The following ARHGAP15 variants were observed in gnomAD, a reference collection of about 807,000 sequenced individuals.
The protein encoded by ARHGAP15 is Rho GTPase activating protein 15.
In ARHGAP15, 51 loss-of-function variants were observed where a neutral mutation model predicts 63.7. That is an observed-to-expected ratio of 0.80 (90% CI 0.64 to 1.01). ARHGAP15 has a LOEUF of 1.01. Ranked by LOEUF, ARHGAP15 falls within the 50% of genes least tolerant of loss-of-function variation. The probability of loss-of-function intolerance (pLI) is 0.00; values close to 1 mark genes in which losing one functional copy is unlikely to be tolerated. For missense variants in ARHGAP15, 560 were observed against 564.6 expected (o/e 0.99, Z 0.08); for synonymous variants, 191 against 193.8 (o/e 0.99, Z 0.12).
intron 11 of ARHGAP15, among the ~76,000 whole-genome samples, chr2:143,604,420 G>C (rs1697904727): frequency 6.6e-6 from 1 of 152,166 alleles, no homozygotes; most frequent in African/African-American, 2.4e-5. Context: ...AATGCAGTTA[G>C]AGGATTCTGT....
intron 6 of ARHGAP15, among the ~76,000 whole-genome samples, chr2:143,303,622 T>C (rs1359707279): frequency 6.6e-6 from 1 of 152,020 alleles, no homozygotes; most frequent in Non-Finnish European, 1.5e-5. Context: ...AAATGAGATC[T>C]AATTAAAGAG....
chr2:143,525,313 A>G (rs1372858601), intron 10 of ARHGAP15, among the ~76,000 whole-genome samples: 2 of 151,868 alleles, frequency 1.3e-5, no homozygotes, highest in Non-Finnish European at 2.9e-5. Flanking sequence ...TGAGTAAAAA[A>G]AAGTAACAAA....
At chr2:143,298,169 C>T (rs935540071) in intron 6 of ARHGAP15, among the ~76,000 whole-genome samples, 11 of 151,944 alleles carry the variant, frequency 7.2e-5, no homozygotes, top group East Asian at 3.9e-4. Context: ...CACTTCTCTT[C>T]GGGCTCTAAA....
intron 6 of ARHGAP15, among the ~76,000 whole-genome samples, chr2:143,350,555 C>T (rs960908586): frequency 3.3e-5 from 5 of 150,882 alleles, no homozygotes; most frequent in Non-Finnish European, 4.4e-5. Context: ...TGTGGTGGCT[C>T]ACGCATGTAA....
intron 6 of ARHGAP15, among the ~76,000 whole-genome samples, chr2:143,348,783 A>T (rs1685420295): frequency 6.6e-6 from 1 of 152,166 alleles, no homozygotes; most frequent in African/African-American, 2.4e-5. Context: ...AGTTTTTCCC[A>T]TGCCTCCACT....
intron 12 of ARHGAP15, among the ~76,000 whole-genome samples, chr2:143,653,196 C>T (rs1049498147): frequency 2.0e-5 from 3 of 152,030 alleles, no homozygotes; most frequent in Admixed American, 1.3e-4. Flanking sequence ...TTTTAAAATG[C>T]TAAATCAAAA....
At chr2:143,378,998 A>AT (rs1197076599) in intron 6 of ARHGAP15, among the ~76,000 whole-genome samples, 1 of 151,780 alleles carries the variant, frequency 6.6e-6, no homozygotes, top group Non-Finnish European at 1.5e-5. Context: ...TTATTTATTT[A>AT]TTTTTTAAGT....
chr2:143,509,839 G>A (rs1056973454), intron 9 of ARHGAP15, among the ~76,000 whole-genome samples: 4 of 151,988 alleles, frequency 2.6e-5, no homozygotes, highest in East Asian at 1.9e-4. Context: ...TGGCCAAAGT[G>A]GTGAAACCCC....
rs541207996 is a variant in ARHGAP15 at position 143,202,160 on chromosome 2, A to C, written c.192A>C (p.Ser64=). The C allele has an allele frequency of 6.2e-7, 1 of 1,612,412 alleles. No individual in the cohort carries two copies. Among genetic ancestry groups the C allele is most frequent in the African/African-American group, 1.3e-5 (1 of 74,986 alleles). The change falls in exon 3 of 14, where the codon TCA becomes TCC. Residue 64 remains serine, a synonymous_variant. Coordinates refer to ENST00000295095, the MANE Select transcript of ARHGAP15 (RefSeq NM_018460.4). The part of the protein sequence containing the change: ...EPISRHRRNH[S]QHILKDVIPP... Reference sequence around the variant, plus strand: ...TATCCAGACACAGAAGGAATCATTCACAGCATATCTTGAAAGATGTCATTC... The same window carrying C: ...TATCCAGACACAGAAGGAATCATTCCCAGCATATCTTGAAAGATGTCATTC...
At chr2:143,440,475 A>G (rs1374488447) in intron 8 of ARHGAP15, among the ~76,000 whole-genome samples, 1 of 152,132 alleles carries the variant, frequency 6.6e-6, no homozygotes, top group African/African-American at 2.4e-5. Context: ...TGATGTTCCC[A>G]TGAGTTTTGC....
intron 6 of ARHGAP15, among the ~76,000 whole-genome samples, chr2:143,420,188 GC>G (rs1401899988): frequency 6.6e-6 from 1 of 152,174 alleles, no homozygotes; most frequent in Admixed American, 6.6e-5. Flanking sequence ...AAATGTAGTG[GC>G]AGTTTTAGAA....
chr2:143,757,198 A>G (rs572271953), intron 13 of ARHGAP15, among the ~76,000 whole-genome samples: 7 of 152,300 alleles, frequency 4.6e-5, no homozygotes, highest in Non-Finnish European at 8.8e-5. Context: ...TGATTTAAAC[A>G]GCAGAGTACT....
rs577569395 is a variant in ARHGAP15 at position 143,369,994 on chromosome 2, G to A, written c.475-65607G>A. Among the ~76,000 whole-genome samples, 46 of 152,180 alleles carry A rather than the reference G, an allele frequency of 3.0e-4. No individual in the cohort carries two copies. The South Asian group carries it at 8.9e-3, about 30-fold the overall frequency. On this transcript the variant is annotated intron_variant, in intron 6 of 13. Coordinates refer to ENST00000295095, the MANE Select transcript of ARHGAP15 (RefSeq NM_018460.4). ...CGCATGCTCACTTCCACTGAATTAT[G>A]CTGTCATAAGGTAGCAACATCACAA...
At chr2:143,626,573 C>A (rs113969737) in intron 12 of ARHGAP15, among the ~76,000 whole-genome samples, 1 of 152,254 alleles carries the variant, frequency 6.6e-6, no homozygotes, top group Non-Finnish European at 1.5e-5. Context: ...GTTACCCCTG[C>A]TGGCTGGGGT....
intron 12 of ARHGAP15, chr2:143,640,749 A>T (rs1680561390): frequency 6.6e-6 from 1 of 152,096 alleles, no homozygotes; most frequent in African/African-American, 2.4e-5. Flanking sequence ...AATATAATAA[A>T]CATGACTGTT....
chr2:143,286,893 C>T (rs934051952), intron 6 of ARHGAP15, among the ~76,000 whole-genome samples: 3 of 152,116 alleles, frequency 2.0e-5, no homozygotes, highest in African/African-American at 7.2e-5. Flanking sequence ...AAACCACGAA[C>T]TTATACGGCA....
chr2:143,245,463 A>T (rs1694014193), intron 5 of ARHGAP15, among the ~76,000 whole-genome samples: 1 of 152,204 alleles, frequency 6.6e-6, no homozygotes, highest in African/African-American at 2.4e-5. Context: ...CAAAGAAGGA[A>T]GTAAATATCA....
intron 6 of ARHGAP15, among the ~76,000 whole-genome samples, chr2:143,360,944 A>G (rs943301485): frequency 7.2e-5 from 11 of 152,286 alleles, no homozygotes; most frequent in Non-Finnish European, 1.5e-5. Flanking sequence ...ATTTTGGCCA[A>G]TTTAGTTGAC....
chr2:143,697,054 A>G (rs1281110902), intron 12 of ARHGAP15, among the ~76,000 whole-genome samples: 1 of 152,176 alleles, frequency 6.6e-6, no homozygotes, highest in Non-Finnish European at 1.5e-5. Context: ...CAAATTGCCA[A>G]CTACGGGCTA....
Sources: allele counts gnomAD v4.1 joint callset (sites outside exome capture counted in the v4.1 genomes callset), GRCh38; gene constraint gnomAD v4.1.1; transcripts MANE v1.5; gene names NCBI Gene and HGNC (gene_info 2026-07-23, HGNC 2026-07-21).